Variants in ERH observed in about 807,000 individuals in gnomAD.
ERH encodes the protein enhancer of rudimentary homolog.
Under a neutral mutation model 16.8 loss-of-function variants are expected in ERH, and 1 was observed. The observed-to-expected ratio is 0.06, with a 90% confidence interval of 0.02 to 0.28. ERH has a LOEUF of 0.28. Among genes scored for constraint, ERH ranks in the 10% least tolerant of loss-of-function variants. The pLI, the probability that ERH is intolerant of heterozygous loss-of-function variation, is 1.00. For missense variants in ERH, 42 were observed against 127.5 expected, an observed-to-expected ratio of 0.33 and a Z score of 3.23; for synonymous variants, 43 against 43.6, an observed-to-expected ratio of 0.99 and a Z score of 0.05.
At chr14:69,396,869 A>G (rs552711104) in intron 1 of ERH, among the ~76,000 whole-genome samples, 3 of 152,256 alleles carry the variant, frequency 2.0e-5, no homozygotes, top group Non-Finnish European at 2.9e-5. Context: ...GTTATACAGA[A>G]GTCTTTGTAA....
At chr14:69,397,760 A>G (rs889158461) in intron 1 of ERH, among the ~76,000 whole-genome samples, 29 of 152,178 alleles carry the variant, frequency 1.9e-4, no homozygotes, top group African/African-American at 6.5e-4. Context: ...CTCTGCTAAA[A>G]TAAAAAAATT....
chr14:69,392,932 A>T (rs1372263958), intron 2 of ERH, among the ~76,000 whole-genome samples: 1 of 152,244 alleles, frequency 6.6e-6, no homozygotes, highest in Non-Finnish European at 1.5e-5. Context: ...GAGCCTGCAT[A>T]CAAAATCTAC....
chr14:69,398,207 G>T, intron 1 of ERH, 24 bp downstream of exon 1: 3 of 1,614,026 alleles, frequency 1.9e-6, no homozygotes, highest in Non-Finnish European at 2.5e-6. Flanking sequence ...CTCGGACTCG[G>T]GTAGCCGCGG....
chr14:69,390,775 A>C lies in ERH; in HGVS notation c.92-3692T>G, dbSNP rs530425343. 3.6e-4 allele frequency among the ~76,000 whole-genome samples: 55 copies of C among 152,388 alleles called. 1 individual carries two copies. Among genetic ancestry groups the C allele is most frequent in the African/African-American group, 1.3e-3 (53 of 41,590 alleles). On this transcript the variant is annotated intron_variant, in intron 2 of 3. Transcript: ENST00000557016. ...AACCTTTATAAAACATCTATCTGAT[A>C]AAGGACTAATGTCTAAAAATATACA...
chr14:69,394,077 A>C (rs12147518), intron 2 of ERH, among the ~76,000 whole-genome samples: 15,618 of 152,128 alleles, frequency 0.1, 1,018 homozygotes, highest in South Asian at 0.18. Context: ...CTATATAAGA[A>C]GACTACACTT....
intron 2 of ERH, among the ~76,000 whole-genome samples, chr14:69,390,104 C>T (rs1221572694): frequency 6.6e-6 from 1 of 152,124 alleles, no homozygotes; most frequent in Non-Finnish European, 1.5e-5. Context: ...AAAGACATCC[C>T]ATGTTCATGA....
intron 3 of ERH, among the ~76,000 whole-genome samples, chr14:69,381,276 AAAC>A (rs1335026402): frequency 2.0e-5 from 3 of 152,222 alleles, no homozygotes; most frequent in Admixed American, 6.5e-5. Flanking sequence ...AAAAAAACAA[AAAC>A]AACAATACTA....
At chr14:69,394,287 TA>T (rs537218621) in intron 2 of ERH, among the ~76,000 whole-genome samples, 1,542 of 145,038 alleles carry the variant, frequency 0.011, 21 homozygotes, top group Admixed American at 0.041. Context: ...TACATTAGTT[TA>T]AAAAAAAAAA....
intron 2 of ERH, among the ~76,000 whole-genome samples, chr14:69,393,882 G>A (rs944411922): frequency 6.6e-6 from 1 of 152,190 alleles, no homozygotes; most frequent in African/African-American, 2.4e-5. Context: ...TTAGCCAGGT[G>A]TGGCGGCAGG....
In ERH at chr14:69,380,151, T is replaced by C. The variant is rs554305637; in HGVS notation, c.*387A>G. The C allele has an allele frequency of 6.3e-6, 1 of 159,756 alleles. No homozygotes were observed. Among genetic ancestry groups the C allele is most frequent in the African/African-American group, 2.4e-5 (1 of 41,670 alleles). 9.9% of individuals were successfully genotyped at this position (159,756 alleles called of 1,614,324 possible). A position where few individuals can be genotyped will look rare whatever the true frequency, so the allele number is the denominator to read the frequency against. ...AATATAACTAAAGGACATTTATTTA[T>C]TTTTACCAAGACTTTATCTTGAGGA... On this transcript the variant is annotated 3_prime_UTR_variant, in exon 4 of 4. Transcript: ENST00000557016.
At chr14:69,398,158 G>A (rs570340909) in intron 1 of ERH, 73 bp downstream of exon 1, 2 of 1,589,834 alleles carry the variant, frequency 1.3e-6, no homozygotes, top group African/African-American at 1.3e-5. Flanking sequence ...GTGGGGAGGG[G>A]AAAACGTATG....
intron 2 of ERH, among the ~76,000 whole-genome samples, chr14:69,388,590 G>A (rs2045906383): frequency 2.0e-5 from 3 of 152,270 alleles, no homozygotes; most frequent in East Asian, 1.9e-4. Context: ...TTGAACTCCT[G>A]ACCTCAGGTG....
chr14:69,398,259 A>T lies in ERH; in HGVS notation c.-26T>A. 2.5e-6 allele frequency: 4 copies of T among 1,613,364 alleles called. No individual in the cohort carries two copies. Among genetic ancestry groups the T allele is most frequent in the Non-Finnish European group, 3.4e-6 (4 of 1,179,870 alleles). ...CGCGCCAAACTCTCTTCGCTACAGCAGCTGCCGACACCGCCGCCGTTACAC... is the reference window on the plus strand; with the variant it reads ...CGCGCCAAACTCTCTTCGCTACAGCTGCTGCCGACACCGCCGCCGTTACAC... On this transcript the variant is annotated 5_prime_UTR_variant, in exon 1 of 4. Transcript: ENST00000557016.
rs775866174 is a variant in ERH at position 69,398,266 on chromosome 14, G to T, written c.-33C>A. On this transcript the variant is annotated 5_prime_UTR_variant, in exon 1 of 4. Coordinates refer to ENST00000557016, the MANE Select transcript of ERH (RefSeq NM_004450.3). ...AACTCTCTTCGCTACAGCAGCTGCC[G>T]ACACCGCCGCCGTTACACGAGCTTA... The T allele has an allele frequency of 2.5e-6, 4 of 1,612,910 alleles. No individual in the cohort carries two copies. Among genetic ancestry groups the T allele is most frequent in the Non-Finnish European group, 3.4e-6 (4 of 1,179,760 alleles).
chr14:69,391,516 C>T (rs1218436007), intron 2 of ERH, among the ~76,000 whole-genome samples: 1 of 151,606 alleles, frequency 6.6e-6, no homozygotes, highest in Non-Finnish European at 1.5e-5. Context: ...GGCATGGTGG[C>T]GCAGGCCTGT....
chr14:69,385,494 G>A (rs1017064014), intron 3 of ERH, among the ~76,000 whole-genome samples: 1 of 151,786 alleles, frequency 6.6e-6, no homozygotes, highest in Non-Finnish European at 1.5e-5. Flanking sequence ...CTGTCCAAGA[G>A]CCAATTTGAG....
At chr14:69,386,339 G>A (rs1406039306) in intron 3 of ERH, among the ~76,000 whole-genome samples, 3 of 152,164 alleles carry the variant, frequency 2.0e-5, no homozygotes, top group Admixed American at 2.0e-4. Context: ...AGTATCTGAT[G>A]ATTGAGTATT....
chr14:69,380,523 G>T lies in ERH; in HGVS notation c.*15C>A. The T allele has an allele frequency of 1.3e-6, 1 of 779,336 alleles. No individual in the cohort carries two copies. Among genetic ancestry groups the T allele is most frequent in the Non-Finnish European group, 2.2e-6 (1 of 458,066 alleles). 48.3% of individuals were successfully genotyped at this position (779,336 alleles called of 1,614,324 possible). A position where few individuals can be genotyped will look rare whatever the true frequency, so the allele number is the denominator to read the frequency against. Reference sequence around the variant, plus strand: ...TTCCAAGCCCACCCCAACCCCCCCAGTGCTTCCAACACAATTATTTCCCAG... The same window carrying T: ...TTCCAAGCCCACCCCAACCCCCCCATTGCTTCCAACACAATTATTTCCCAG... On this transcript the variant is annotated 3_prime_UTR_variant, in exon 4 of 4. Coordinates refer to ENST00000557016, the MANE Select transcript of ERH (RefSeq NM_004450.3).
intron 2 of ERH, among the ~76,000 whole-genome samples, chr14:69,393,447 T>C (rs576701074): frequency 6.6e-6 from 1 of 152,318 alleles, no homozygotes; most frequent in Admixed American, 6.5e-5. Context: ...TGTATGAGAA[T>C]GCATGCACAC....
Sources: gnomAD v4.1 joint callset for allele counts (sites outside exome capture counted in the v4.1 genomes callset) on GRCh38, gnomAD v4.1.1 for gene constraint, MANE v1.5 for transcripts, NCBI Gene and HGNC (gene_info 2026-07-23, HGNC 2026-07-21) for gene names.